The following SPDYE2 variants were observed in gnomAD, a reference collection of about 807,000 sequenced individuals.
SPDYE2 encodes speedy protein E2.
For missense variants in SPDYE2, 1 was observed against 121.0 expected (o/e 0.01, Z 4.65); for synonymous variants, 2 against 45.1 (o/e 0.04, Z 3.83).
At chr7:102,554,231 A>G in intron 2 of SPDYE2, 128 bp from the exon 3 acceptor site, 1 of 1,532,606 alleles carries the variant, frequency 6.5e-7, no homozygotes, top group Non-Finnish European at 8.7e-7. Flanking sequence ...AGAAAATCAG[A>G]AAGATGGCTT....
chr7:102,563,106 T>TTCA (rs1317469873), exon 9 of SPDYE2: 15 of 148,354 alleles, frequency 1.0e-4, no homozygotes. Context: ...GCTGTTTCTA[T>TTCA]AAAGCTGTGT....
intron 2 of SPDYE2, 86 bp from the exon 3 acceptor site, chr7:102,554,273 G>C (rs1800678515): frequency 6.8e-7 from 1 of 1,464,308 alleles, no homozygotes; most frequent in South Asian, 1.2e-5. Flanking sequence ...GTCTGGGGAG[G>C]ATGGAGAGTG....
intron 2 of SPDYE2, among the ~76,000 whole-genome samples, chr7:102,553,730 AAG>A (rs1459078443): frequency 2.9e-5 from 1 of 34,250 alleles, no homozygotes; most frequent in African/African-American, 4.8e-5. Context: ...ACTCCAAAAA[AAG>A]AAAAAAAAGA....
At chr7:102,557,394 G>C (rs1586815473) in intron 5 of SPDYE2, among the ~76,000 whole-genome samples, 172 bp downstream of exon 5, 3 of 130,048 alleles carry the variant, frequency 2.3e-5, no homozygotes, top group African/African-American at 9.1e-5. Flanking sequence ...ACAGAGTCTT[G>C]CTCTGTTGCC....
chr7:102,554,996 A>C (rs1166078709), intron 3 of SPDYE2, among the ~76,000 whole-genome samples: 14 of 134,246 alleles, frequency 1.0e-4, no homozygotes, highest in African/African-American at 3.5e-4. Context: ...TAATCCCATT[A>C]CTTTGGGAGG....
At chr7:102,557,344 TTTTTTTTTG>T (rs1337272722) in intron 5 of SPDYE2, 122 bp downstream of exon 5, 274 of 672,666 alleles carry the variant, frequency 4.1e-4, no homozygotes, top group African/African-American at 3.5e-3. Context: ...GTCTTTTTTT[TTTTTTTTTG>T]TGTGTGTGTG....
chr7:102,564,443 A>AC (rs1800985804), downstream of SPDYE2: 1 of 146,422 alleles, frequency 6.8e-6, no homozygotes, highest in African/African-American at 2.5e-5. Flanking sequence ...AAAAAAAAAA[A>AC]GTTCGTTCCT....
At chr7:102,554,836 C>T (rs1370963569) in intron 3 of SPDYE2, among the ~76,000 whole-genome samples, 4 of 110,150 alleles carry the variant, frequency 3.6e-5, no homozygotes, top group Admixed American at 9.3e-5. Context: ...GATGCTAGCA[C>T]GTTGGGAGGC....
intron 3 of SPDYE2, among the ~76,000 whole-genome samples, chr7:102,555,186 T>C (rs1426549802): frequency 1.7e-5 from 2 of 119,266 alleles, no homozygotes; most frequent in African/African-American, 6.4e-5. Context: ...TGAGCCAAGA[T>C]AGCGCCACTG....
intron 3 of SPDYE2, among the ~76,000 whole-genome samples, 168 bp downstream of exon 3, chr7:102,554,745 A>G (rs374316609): frequency 1.6e-4 from 21 of 132,246 alleles, no homozygotes; most frequent in African/African-American, 5.2e-4. Flanking sequence ...AGACGATAGA[A>G]GACTAGGCTA....
downstream of SPDYE2, chr7:102,564,612 C>T (rs1800992395): frequency 1.3e-5 from 2 of 150,150 alleles, no homozygotes; most frequent in Non-Finnish European, 3.0e-5. Flanking sequence ...TCAAGCGATC[C>T]TCTTACCTTG....
intron 3 of SPDYE2, among the ~76,000 whole-genome samples, 162 bp downstream of exon 3, chr7:102,554,739 G>C (rs1228508024): frequency 5.2e-5 from 7 of 133,804 alleles, no homozygotes; most frequent in African/African-American, 1.9e-4. Context: ...CTTAGGAGAC[G>C]ATAGAAGACT....
chr7:102,555,000 T>C (rs1418802041), intron 3 of SPDYE2, among the ~76,000 whole-genome samples: 26 of 133,222 alleles, frequency 2.0e-4, no homozygotes, highest in African/African-American at 6.3e-4. Context: ...CCCATTACTT[T>C]GGGAGGCTGA....
chr7:102,557,322 G>A, intron 5 of SPDYE2, 100 bp downstream of exon 5: 2 of 608,772 alleles, frequency 3.3e-6, no homozygotes, highest in African/African-American at 3.8e-5. Context: ...CCTCCCACCA[G>A]ATGCTCCTAC....
At chr7:102,563,334 TTTTA>T (rs1375505790) in exon 9 of SPDYE2, 2 of 119,616 alleles carry the variant, frequency 1.7e-5, no homozygotes, top group African/African-American at 3.1e-5. Context: ...AAAAATAAAT[TTTTA>T]TTTGATATTT....
downstream of SPDYE2, chr7:102,564,836 C>T (rs1167086153): frequency 6.9e-6 from 1 of 144,858 alleles, no homozygotes. Flanking sequence ...GGACTACAGG[C>T]GCCCGCCACC....
chr7:102,557,417 C>A (rs1800836314), intron 5 of SPDYE2, among the ~76,000 whole-genome samples, 195 bp downstream of exon 5: 2 of 134,408 alleles, frequency 1.5e-5, no homozygotes, highest in African/African-American at 5.8e-5. Context: ...GGCTGGAGGG[C>A]AGTGTCTCGA....
At chr7:102,553,741 G>A (rs1390168895) in intron 2 of SPDYE2, among the ~76,000 whole-genome samples, 3 of 25,080 alleles carry the variant, frequency 1.2e-4, no homozygotes, top group Admixed American at 1.2e-3. Flanking sequence ...AGAAAAAAAA[G>A]AAAAGAAGGG....
At chr7:102,553,529 G>A (rs1228539425) in intron 2 of SPDYE2, 114 bp downstream of exon 2, 1 of 20,758 alleles carries the variant, frequency 4.8e-5, no homozygotes, top group African/African-American at 7.4e-5. Context: ...CGAGGCGGGC[G>A]GATCACCTGA....
Sources: gnomAD v4.1 joint callset for allele counts (sites outside exome capture counted in the v4.1 genomes callset) on GRCh38, gnomAD v4.1.1 for gene constraint, MANE v1.5 for transcripts, NCBI Gene and HGNC (gene_info 2026-07-23, HGNC 2026-07-21) for gene names.